C11orf65: variants seen among roughly 807,000 people sequenced by gnomAD.
C11orf65 encodes chromosome 11 open reading frame 65, also known as protein MFI.
In C11orf65, 38 loss-of-function variants were observed where a neutral mutation model predicts 35.3. The ratio of observed to expected loss-of-function variants is 1.08; its 90% CI spans 0.83 to 1.41. The LOEUF (loss-of-function observed/expected upper bound fraction) is 1.41. C11orf65 is among the 40% of genes most tolerant of loss of function. The pLI, the probability that C11orf65 is intolerant of heterozygous loss-of-function variation, is 0.00. For missense variants in C11orf65, 370 were observed against 367.1 expected, an observed-to-expected ratio of 1.01 and a Z score of -0.06; for synonymous variants, 105 against 114.4, an observed-to-expected ratio of 0.92 and a Z score of 0.53.
intron 7 of C11orf65, 134 bp from the exon 8 acceptor site, chr11:108,386,109 A>G: frequency 1.4e-6 from 1 of 729,996 alleles, no homozygotes; most frequent in Non-Finnish European, 2.3e-6. Context: ...TGTAACTCTC[A>G]AGACTTTCTC....
chr11:108,310,166 T>C lies in C11orf65; in HGVS notation c.641-1095A>G, dbSNP rs1060504280. The C allele has an allele frequency of 1.9e-6, 3 of 1,613,276 alleles. No homozygotes were observed. In the African/African-American group the frequency reaches 4.0e-5, roughly 22 times the overall value. Reference sequence around the variant, plus strand: ...ATATCTCATTTTTCTTTAGACCTTCTTCAGGAACAATTTTTAATGATGCTT... The same window carrying C: ...ATATCTCATTTTTCTTTAGACCTTCCTCAGGAACAATTTTTAATGATGCTT... On this transcript the variant is annotated intron_variant, in intron 6 of 6. Coordinates refer to the C11orf65 transcript ENST00000525729.
intron 6 of C11orf65, among the ~76,000 whole-genome samples, chr11:108,316,571 A>C (rs761043192): frequency 1.3e-5 from 2 of 151,980 alleles, no homozygotes; most frequent in African/African-American, 4.8e-5. Context: ...TTTGAGCTCT[A>C]TTTTTGTGTT....
chr11:108,462,242 G>A (rs1022437064), intron 1 of C11orf65, among the ~76,000 whole-genome samples: 9 of 152,104 alleles, frequency 5.9e-5, no homozygotes, highest in Non-Finnish European at 1.2e-4. Context: ...ACAGGTTCTT[G>A]CTATGTTTCC....
Position 108,366,220 on chromosome 11 carries a change from A to G in C11orf65, c.226+26988T>C, listed in dbSNP as rs966180034. 9.7e-5 allele frequency: 19 copies of G among 195,308 alleles called. No individual in the cohort carries two copies. The highest frequency in any genetic ancestry group is 6.9e-5 in the African/African-American group (3 of 43,338). 12.1% of individuals were successfully genotyped at this position (195,308 alleles called of 1,614,324 possible). A position where few individuals can be genotyped will look rare whatever the true frequency, so the allele number is the denominator to read the frequency against. On this transcript the variant is annotated intron_variant, in intron 2 of 3. Transcript: ENST00000524755. ...TCTTTTAAGCCCTTCTGTACTGTCC[A>G]TGTATGTTATCTTTCTGTGATAACT...
chr11:108,397,695 A>T (rs1161577525), intron 6 of C11orf65, among the ~76,000 whole-genome samples: 1 of 152,224 alleles, frequency 6.6e-6, no homozygotes, highest in African/African-American at 2.4e-5. Flanking sequence ...GCCATAAATG[A>T]ACAAAGCACA....
downstream of C11orf65, among the ~76,000 whole-genome samples, chr11:108,381,091 G>T (rs2091856815): frequency 6.6e-6 from 1 of 152,140 alleles, no homozygotes; most frequent in Non-Finnish European, 1.5e-5. Context: ...ATGCAGCTAG[G>T]TTGGAGCATT....
At chr11:108,461,612 A>C (rs1335000359) in intron 1 of C11orf65, 44 bp from the exon 2 acceptor site, 4 of 1,183,274 alleles carry the variant, frequency 3.4e-6, no homozygotes, top group Admixed American at 4.3e-5. Context: ...AATAATTTTA[A>C]TTTACTTTCA....
intron 2 of C11orf65, among the ~76,000 whole-genome samples, chr11:108,432,583 C>G (rs1255471454): frequency 6.6e-6 from 1 of 152,202 alleles, no homozygotes; most frequent in Non-Finnish European, 1.5e-5. Flanking sequence ...CAAGCCCCAT[C>G]TCCCTAAAAA....
chr11:108,402,909 A>G (rs890999825), intron 6 of C11orf65, among the ~76,000 whole-genome samples: 1 of 152,192 alleles, frequency 6.6e-6, no homozygotes, highest in African/African-American at 2.4e-5. Context: ...GTCTATCAGT[A>G]GTTCATTCTG....
intron 2 of C11orf65, among the ~76,000 whole-genome samples, chr11:108,440,237 G>A (rs2093128464): frequency 1.3e-5 from 2 of 152,172 alleles, no homozygotes; most frequent in African/African-American, 4.8e-5. Context: ...ATATATAGCT[G>A]TTCTAATCAT....
At chr11:108,463,976 G>A (rs1173841348) in intron 1 of C11orf65, among the ~76,000 whole-genome samples, 2 of 147,992 alleles carry the variant, frequency 1.4e-5, no homozygotes, top group Non-Finnish European at 3.0e-5. Flanking sequence ...ACCCAGGCTG[G>A]AGTGCAGAGA....
intron 1 of C11orf65, among the ~76,000 whole-genome samples, chr11:108,463,854 C>T (rs1032617312): frequency 6.6e-6 from 1 of 151,540 alleles, no homozygotes; most frequent in Non-Finnish European, 1.5e-5. Flanking sequence ...CAATTATTCT[C>T]TTAATTTACA....
chr11:108,370,378 GTT>G (rs1317497180), intron 2 of C11orf65, among the ~76,000 whole-genome samples: 1 of 150,838 alleles, frequency 6.6e-6, no homozygotes, highest in African/African-American at 2.4e-5. Flanking sequence ...TATGAGTAAT[GTT>G]TGGATTTTCT....
At chr11:108,405,690 T>G (rs2092528472) in intron 5 of C11orf65, 131 bp from the exon 6 acceptor site, 1 of 898,192 alleles carries the variant, frequency 1.1e-6, no homozygotes, top group Admixed American at 2.5e-5. Flanking sequence ...GATAGATACT[T>G]TCAAGGTATT....
chr11:108,347,050 AT>A lies in C11orf65; in HGVS notation c.227-11759del, dbSNP rs771962507. Among the ~76,000 whole-genome samples, 4 of 152,208 alleles carry A rather than the reference AT, an allele frequency of 2.6e-5. No homozygotes were observed. In the South Asian group the frequency reaches 8.3e-4, roughly 32 times the overall value. ...ATGTGTGCCTATTAGTAAAGAGAAA[AT>A]TTTTTTAGCAAATCATCTAGGATTT... On this transcript the variant is annotated intron_variant, in intron 2 of 3. Transcript: ENST00000524755.
At chr11:108,434,082 C>T (rs2093030703) in intron 2 of C11orf65, among the ~76,000 whole-genome samples, 1 of 152,196 alleles carries the variant, frequency 6.6e-6, no homozygotes, top group Non-Finnish European at 1.5e-5. Flanking sequence ...AAAGAACAAT[C>T]TCAACAGAGA....
chr11:108,376,882 G>GA (rs1235325966), intron 2 of C11orf65, among the ~76,000 whole-genome samples: 1 of 151,866 alleles, frequency 6.6e-6, no homozygotes, highest in Non-Finnish European at 1.5e-5. Context: ...AAATCTAGAA[G>GA]AAATGGATAA....
intron 2 of C11orf65, among the ~76,000 whole-genome samples, chr11:108,338,420 C>T (rs1169906938): frequency 5.3e-5 from 8 of 152,106 alleles, no homozygotes; most frequent in Non-Finnish European, 1.2e-4. Context: ...TTTGAGAGGC[C>T]AAGGCAGGAG....
intron 2 of C11orf65, among the ~76,000 whole-genome samples, chr11:108,436,566 T>G (rs1016678444): frequency 6.6e-6 from 1 of 152,162 alleles, no homozygotes; most frequent in Admixed American, 6.5e-5. Context: ...TAAAAGGGAT[T>G]TGTATGGATG....
Sources: gnomAD v4.1 joint callset for allele counts (sites outside exome capture counted in the v4.1 genomes callset) on GRCh38, gnomAD v4.1.1 for gene constraint, MANE v1.5 for transcripts, NCBI Gene and HGNC (gene_info 2026-07-23, HGNC 2026-07-21) for gene names.